The following CHODL variants were observed in gnomAD, a reference collection of about 807,000 sequenced individuals.
CHODL encodes the protein chondrolectin.
In CHODL, 29 loss-of-function variants were observed where a neutral mutation model predicts 34.5. The observed-to-expected ratio is 0.84, with a 90% CI of 0.63 to 1.15. The LOEUF (loss-of-function observed/expected upper bound fraction) is 1.15, where lower values mean the gene tolerates loss of function less well. Among genes scored for constraint, CHODL ranks in the 50% most tolerant of loss-of-function variants. The pLI is 0.00. For synonymous variants in CHODL, 125 were observed against 116.1 expected, an observed-to-expected ratio of 1.08 and a Z score of -0.49; for missense variants, 332 against 332.5, an observed-to-expected ratio of 1.00 and a Z score of 0.01.
At chr21:18,037,218 A>G (rs1476043656) in intron 2 of CHODL, among the ~76,000 whole-genome samples, 1 of 151,918 alleles carries the variant, frequency 6.6e-6, no homozygotes, top group East Asian at 1.9e-4. Flanking sequence ...AAGCGATCCT[A>G]TGTCTTGGAA....
intron 2 of CHODL, among the ~76,000 whole-genome samples, chr21:18,170,103 G>A (rs560702130): frequency 2.6e-5 from 4 of 151,710 alleles, no homozygotes; most frequent in Admixed American, 2.6e-4. Flanking sequence ...TTGCATTTTG[G>A]GGCTTTTTTG....
upstream of CHODL, among the ~76,000 whole-genome samples, chr21:18,243,953 A>T (rs893439205): frequency 1.3e-5 from 2 of 152,200 alleles, no homozygotes; most frequent in Non-Finnish European, 2.9e-5. Flanking sequence ...ATTCTACTGA[A>T]GCTCATTATG....
At chr21:18,117,242 A>T (rs1416477759) in intron 2 of CHODL, among the ~76,000 whole-genome samples, 5 of 152,182 alleles carry the variant, frequency 3.3e-5, no homozygotes, top group African/African-American at 1.2e-4. Context: ...AGCCCTTGGG[A>T]TGGCTGGGCA....
At chr21:18,121,215 C>A (rs1284682209) in intron 2 of CHODL, among the ~76,000 whole-genome samples, 1 of 152,036 alleles carries the variant, frequency 6.6e-6, no homozygotes, top group South Asian at 2.1e-4. Flanking sequence ...TTTTGACTTC[C>A]CTGGGCCACA....
chr21:17,974,270 G>GTTTA lies in CHODL; in HGVS notation c.-144-53586_-144-53583dup, dbSNP rs1339505429. ...CTCCAATTTTTAGAATTTTTTGTTT[G>GTTTA]TTTATTTATTTATTTATTTTGAGAT... On this transcript the variant is annotated intron_variant, in intron 1 of 6. Coordinates refer to the CHODL transcript ENST00000400127. Among the ~76,000 whole-genome samples, 7 of 152,118 alleles carry GTTTA rather than the reference G, an allele frequency of 4.6e-5. No homozygotes were observed. The East Asian group carries it at 9.7e-4, about 21-fold the overall frequency.
rs1312940051 is a variant in CHODL at position 18,023,431 on chromosome 21, G to T, written c.-144-4441G>T. ...CCCTGCAGAGATGGTAGCAGGCAGG[G>T]GTGGGAAAAGCGTGGGCCAGGGACC... On this transcript the variant is annotated intron_variant, in intron 1 of 6. Transcript: ENST00000400127. Among the ~76,000 whole-genome samples the T allele has an allele frequency of 2.6e-5, 4 of 152,104 alleles. No homozygotes were observed. In the East Asian group the frequency reaches 5.8e-4, roughly 22 times the overall value.
intron 2 of CHODL, among the ~76,000 whole-genome samples, chr21:18,176,068 A>G (rs924921710): frequency 6.6e-6 from 1 of 152,228 alleles, no homozygotes; most frequent in African/African-American, 2.4e-5. Flanking sequence ...GAGGATGGAG[A>G]AATAATTGGA....
At chr21:18,007,463 G>T (rs2146407844) in intron 1 of CHODL, among the ~76,000 whole-genome samples, 1 of 152,252 alleles carries the variant, frequency 6.6e-6, no homozygotes, top group South Asian at 2.1e-4. Context: ...TATTTGCACT[G>T]TTTTTTTCTA....
chr21:17,924,242 G>A (rs1039117144), intron 1 of CHODL, among the ~76,000 whole-genome samples: 5 of 152,204 alleles, frequency 3.3e-5, no homozygotes, highest in Non-Finnish European at 7.3e-5. Context: ...AGCATCCTCC[G>A]CTGGAGTATA....
chr21:18,232,044 G>T (rs1258645304), intron 2 of CHODL, among the ~76,000 whole-genome samples: 1 of 151,994 alleles, frequency 6.6e-6, no homozygotes, highest in Non-Finnish European at 1.5e-5. Flanking sequence ...TGTTGAACTT[G>T]ATGTTTGGCA....
rs143563467 is a variant in CHODL, at chr21:18,095,683, C to T, written c.-45+67712C>T. 1.4e-3 allele frequency among the ~76,000 whole-genome samples: 206 copies of T among 152,248 alleles called. 3 individuals carry two copies. The East Asian group carries it at 0.031, about 23-fold the overall frequency. On this transcript the variant is annotated intron_variant, in intron 2 of 6. Coordinates refer to the CHODL transcript ENST00000400127. ...GCCAGTATTATCCTAATACCAAAAG[C>T]AGACAAGACAGATTCAAAAAAGAAA...
At chr21:17,937,612 G>A (rs1173930914) in intron 1 of CHODL, among the ~76,000 whole-genome samples, 1 of 152,148 alleles carries the variant, frequency 6.6e-6, no homozygotes, top group African/African-American at 2.4e-5. Context: ...CTGTGGTTCT[G>A]ATGATCTTCA....
chr21:18,088,550 C>T (rs2146525633), intron 2 of CHODL, among the ~76,000 whole-genome samples: 1 of 152,258 alleles, frequency 6.6e-6, no homozygotes, highest in East Asian at 1.9e-4. Context: ...ATCATAAAAG[C>T]CAAGCCCTGT....
rs565072176 is a variant in CHODL, at chr21:17,964,371, G to A, written c.-145+46971G>A. ...CAGTCACACACACACACGCACACATGCGTGCACGTGCTGAACATGAAAATG... is the reference window on the plus strand; with the variant it reads ...CAGTCACACACACACACGCACACATACGTGCACGTGCTGAACATGAAAATG... On this transcript the variant is annotated intron_variant, in intron 1 of 6. Transcript: ENST00000400127. 5.9e-5 allele frequency among the ~76,000 whole-genome samples: 9 copies of A among 152,268 alleles called. No homozygotes were observed. The East Asian group carries it at 1.7e-3, about 29-fold the overall frequency.
intron 2 of CHODL, among the ~76,000 whole-genome samples, chr21:18,094,417 TCTC>T (rs1291029207): frequency 1.3e-5 from 2 of 152,268 alleles, no homozygotes; most frequent in South Asian, 2.1e-4. Flanking sequence ...TACACATTCT[TCTC>T]CTCAGCACGT....
intron 1 of CHODL, among the ~76,000 whole-genome samples, chr21:18,004,870 A>G (rs1288105286): frequency 6.6e-6 from 1 of 152,038 alleles, no homozygotes. Flanking sequence ...GGTCTTAAAC[A>G]TAGTAGCTAT....
At chr21:17,935,659 A>G (rs1952723650) in intron 1 of CHODL, among the ~76,000 whole-genome samples, 1 of 152,266 alleles carries the variant, frequency 6.6e-6, no homozygotes, top group Admixed American at 6.5e-5. Context: ...ATTGATGCAC[A>G]AAGTAGAAAT....
At chr21:18,172,633 T>C (rs1426585766) in intron 2 of CHODL, among the ~76,000 whole-genome samples, 1 of 152,150 alleles carries the variant, frequency 6.6e-6, no homozygotes, top group Non-Finnish European at 1.5e-5. Flanking sequence ...TTACAGAGTT[T>C]TGAAAAAGTT....
chr21:18,074,260 ATG>A (rs2064839048), intron 2 of CHODL, among the ~76,000 whole-genome samples: 1 of 152,186 alleles, frequency 6.6e-6, no homozygotes, highest in Non-Finnish European at 1.5e-5. Flanking sequence ...TGTTAGAACA[ATG>A]AGAATTGCTA....
Sources: gnomAD v4.1 joint callset for allele counts (sites outside exome capture counted in the v4.1 genomes callset) on GRCh38, gnomAD v4.1.1 for gene constraint, MANE v1.5 for transcripts, NCBI Gene and HGNC (gene_info 2026-07-23, HGNC 2026-07-21) for gene names.